Variants in LGALS8 observed in about 807,000 individuals in gnomAD.
LGALS8 encodes galectin-8.
A neutral mutation model predicts 35.9 loss-of-function variants in LGALS8; 30 were observed. The observed-to-expected ratio is 0.83, with a 90% CI of 0.62 to 1.13. LGALS8 has a LOEUF of 1.13. Among genes scored for constraint, LGALS8 ranks in the 50% most tolerant of loss-of-function variants. The probability of loss-of-function intolerance (pLI) is 0.00; values close to 1 mark genes in which losing one functional copy is unlikely to be tolerated. For missense variants in LGALS8, 366 were observed against 388.7 expected (o/e 0.94, Z 0.49); for synonymous variants, 138 against 136.1 (o/e 1.01, Z -0.10).
intron 2 of LGALS8, among the ~76,000 whole-genome samples, chr1:236,529,066 A>G (rs1029524368): frequency 2.0e-5 from 3 of 152,156 alleles, no homozygotes; most frequent in Non-Finnish European, 4.4e-5. Context: ...ACTTGAGCCC[A>G]GGAGTTCAAG....
At chr1:236,529,560 C>T (rs1371956243) in intron 2 of LGALS8, among the ~76,000 whole-genome samples, 4 of 139,752 alleles carry the variant, frequency 2.9e-5, no homozygotes, top group African/African-American at 5.4e-5. Context: ...GCATCCTGGG[C>T]GACAGAGTGA....
intron 2 of LGALS8, among the ~76,000 whole-genome samples, chr1:236,527,602 T>C (rs1043059895): frequency 6.6e-6 from 1 of 152,156 alleles, no homozygotes. Flanking sequence ...TCTCTTTACG[T>C]TTCACTGCTG....
chr1:236,538,131 G>T (rs1350429048), intron 3 of LGALS8, among the ~76,000 whole-genome samples: 1 of 131,630 alleles, frequency 7.6e-6, no homozygotes, highest in Non-Finnish European at 1.7e-5. Flanking sequence ...TGTCATTAAA[G>T]AAAGGAATTG....
chr1:236,545,038 C>G, intron 9 of LGALS8, 123 bp downstream of exon 9: 1 of 727,404 alleles, frequency 1.4e-6, no homozygotes, highest in South Asian at 2.6e-5. Flanking sequence ...TTTTTGTTTA[C>G]TTGGAGATTG....
intron 8 of LGALS8, 40 bp downstream of exon 8, chr1:236,543,688 C>T (rs564338728): frequency 8.3e-6 from 12 of 1,446,404 alleles, no homozygotes; most frequent in Middle Eastern, 1.8e-4. Context: ...CAGATACTTC[C>T]GTGCCTGTTA....
rs1662745729 is a variant in LGALS8 at position 236,551,555 on chromosome 1, T to C, written c.*3394T>C. 1 of 158,542 alleles carries C rather than the reference T, an allele frequency of 6.3e-6. No homozygotes were observed. The highest frequency in any genetic ancestry group is 1.4e-5 in the Non-Finnish European group (1 of 72,404). The allele number at this position is 158,542 out of a possible 1,614,324, so 9.8% of individuals were successfully genotyped here. ...TGGTTTTTAAGTGAGATAATCCAAG[T>C]AAAGCACCTAACATGGAGTAGTGAA... On this transcript the variant is annotated 3_prime_UTR_variant, in exon 10 of 10. Coordinates refer to ENST00000366584, the MANE Select transcript of LGALS8 (RefSeq NM_201544.4).
chr1:236,533,290 C>T (rs1232012982), intron 2 of LGALS8, among the ~76,000 whole-genome samples: 1 of 152,104 alleles, frequency 6.6e-6, no homozygotes, highest in African/African-American at 2.4e-5. Context: ...AATTCCTTAT[C>T]CCATTTTCCT....
Position 236,542,562 on chromosome 1 carries a change from C to T in LGALS8, c.523-199C>T, listed in dbSNP as rs536544950. The T allele has an allele frequency of 4.9e-4, 301 of 609,118 alleles. 3 individuals carry two copies. In the East Asian group the frequency reaches 8.2e-3, roughly 17 times the overall value. The allele number at this position is 609,118 out of a possible 1,614,324, so 37.7% of individuals were successfully genotyped here. On this transcript the variant is annotated intron_variant, in intron 6 of 9. Coordinates refer to ENST00000366584, the MANE Select transcript of LGALS8 (RefSeq NM_201544.4). ...GACTCAGATGAACAGGGATATCAGA[C>T]TCTCTTCTCAACCCGTGTAGCCCTT...
intron 2 of LGALS8, among the ~76,000 whole-genome samples, chr1:236,530,676 T>G (rs1163349015): frequency 6.6e-6 from 1 of 152,234 alleles, no homozygotes; most frequent in Non-Finnish European, 1.5e-5. Context: ...AGCAGGATCC[T>G]TCTGCTGTTT....
chr1:236,551,982 A>T lies in LGALS8; in HGVS notation c.*3821A>T. ...ATTCCTTAATTGTTTAATGGTTGGG[A>T]ATAGTTTGGGAATTACCTTCCATCA... On this transcript the variant is annotated 3_prime_UTR_variant, in exon 10 of 10. Transcript: ENST00000366584. 1.4e-6 allele frequency: 2 copies of T among 1,458,810 alleles called. No homozygotes were observed. Among genetic ancestry groups the T allele is most frequent in the Non-Finnish European group, 9.6e-7 (1 of 1,040,870 alleles). The allele number at this position is 1,458,810 out of a possible 1,614,324, so 90.4% of individuals were successfully genotyped here. A position where few individuals can be genotyped will look rare whatever the true frequency, so the allele number is the denominator to read the frequency against.
At chr1:236,533,647 T>G (rs1350227367) in intron 2 of LGALS8, among the ~76,000 whole-genome samples, 1 of 152,104 alleles carries the variant, frequency 6.6e-6, no homozygotes, top group Non-Finnish European at 1.5e-5. Flanking sequence ...ATTTTTTTTT[T>G]TTTTAAAGAT....
intron 2 of LGALS8, among the ~76,000 whole-genome samples, chr1:236,534,363 A>G (rs185951845): frequency 1.5e-4 from 23 of 152,348 alleles, no homozygotes; most frequent in African/African-American, 5.5e-4. Flanking sequence ...AGGCAAAGCA[A>G]TATGAATCAG....
chr1:236,546,949 GC>G (rs1662401203), intron 9 of LGALS8, among the ~76,000 whole-genome samples: 2 of 152,326 alleles, frequency 1.3e-5, no homozygotes, highest in Admixed American at 1.3e-4. Flanking sequence ...TTATCAGAGT[GC>G]AGGACTTGGG....
intron 5 of LGALS8, 183 bp from the exon 6 acceptor site, chr1:236,541,471 T>C (rs941243562): frequency 1.5e-4 from 74 of 480,862 alleles, no homozygotes; most frequent in Non-Finnish European, 2.5e-4. Context: ...TACATCTTAT[T>C]CTCTGTAATG....
upstream of LGALS8, among the ~76,000 whole-genome samples, chr1:236,520,099 G>A (rs1420854799): frequency 6.6e-6 from 1 of 151,746 alleles, no homozygotes; most frequent in Non-Finnish European, 1.5e-5. Context: ...TGAAATTACA[G>A]GCATGCGCCA....
chr1:236,538,961 G>A lies in LGALS8; in HGVS notation c.217G>A (p.Ala73Thr). The A allele has an allele frequency of 6.2e-7, 1 of 1,614,140 alleles. No homozygotes were observed. Among genetic ancestry groups the A allele is most frequent in the Non-Finnish European group, 8.5e-7 (1 of 1,180,042 alleles). Residue 73 changes from alanine (A) to threonine (T), a missense_variant, in exon 4 of 10, where the codon GCC becomes ACC. Coordinates refer to ENST00000366584, the MANE Select transcript of LGALS8 (RefSeq NM_201544.4). ...AFHFNPRFKR[A>T]GCIVCNTLIN... ...TCATTTCAATCCTCGTTTCAAAAGG[G>A]CCGGCTGCATTGTTTGCAATACTTT...
chr1:236,544,531 GTTT>G (rs1553278248), intron 8 of LGALS8, among the ~76,000 whole-genome samples: 3 of 149,332 alleles, frequency 2.0e-5, no homozygotes, highest in African/African-American at 4.9e-5. Flanking sequence ...ATTTTAAAGG[GTTT>G]TTTTTTTCGT....
rs899988572 is a variant in LGALS8 at position 236,552,715 on chromosome 1, G to C, written c.*4554G>C. The stretch of plus-strand genomic sequence containing the variant: ...CAGTAGTTGGGTATTGTTAGCTTTT[G>C]AAACAAAAGCCCTACTGGTCTTCTA... On this transcript the variant is annotated 3_prime_UTR_variant, in exon 10 of 10. Transcript: ENST00000366584. 1.3e-5 allele frequency: 2 copies of C among 152,216 alleles called. No individual in the cohort carries two copies. The highest frequency in any genetic ancestry group is 4.8e-5 in the African/African-American group (2 of 41,452). The allele number at this position is 152,216 out of a possible 1,614,324, so 9.4% of individuals were successfully genotyped here. A position where few individuals can be genotyped will look rare whatever the true frequency, so the allele number is the denominator to read the frequency against.
upstream of LGALS8, chr1:236,523,328 G>A (rs1242771852): frequency 6.6e-6 from 1 of 152,246 alleles, no homozygotes; most frequent in African/African-American, 2.4e-5. Context: ...CGGATGGGGA[G>A]CTTGGGCTGG....
Sources: gnomAD v4.1 joint callset for allele counts (sites outside exome capture counted in the v4.1 genomes callset) on GRCh38, gnomAD v4.1.1 for gene constraint, MANE v1.5 for transcripts, NCBI Gene and HGNC (gene_info 2026-07-23, HGNC 2026-07-21) for gene names.